FIG4: variants seen among roughly 807,000 people sequenced by gnomAD.
FIG4 encodes the protein FIG4 phosphoinositide 5-phosphatase, also known as polyphosphoinositide phosphatase.
FIG4 carries 112 observed loss-of-function variants against 118.6 expected under a neutral mutation model. The ratio of observed to expected loss-of-function variants is 0.94; its 90% CI spans 0.81 to 1.11. The LOEUF (loss-of-function observed/expected upper bound fraction) is 1.11, where lower values mean the gene tolerates loss of function less well. Ranked by LOEUF, FIG4 falls within the 50% of genes least tolerant of loss-of-function variation. The pLI is 0.00. For missense variants in FIG4, 969 were observed against 1,111.7 expected (o/e 0.87, Z 1.83); for synonymous variants, 369 against 381.2 (o/e 0.97, Z 0.37).
rs576841112 is a variant in FIG4 at position 109,801,941 on chromosome 6, C to G, written c.2546+5090C>G. ...AGTATTTCTGCCTTAATGGATAATT[C>G]TTGTTATCTTTTCCAAACACCTGGA... On this transcript the variant is annotated intron_variant, in intron 22 of 22. Transcript: ENST00000230124. 3.9e-5 allele frequency among the ~76,000 whole-genome samples: 6 copies of G among 152,286 alleles called. No homozygotes were observed. The East Asian group carries it at 5.8e-4, about 15-fold the overall frequency.
intron 22 of FIG4, among the ~76,000 whole-genome samples, chr6:109,817,012 A>G (rs888011384): frequency 6.6e-6 from 1 of 152,236 alleles, no homozygotes; most frequent in Non-Finnish European, 1.5e-5. Context: ...GATTGCTCCA[A>G]AAGGTCGCCG....
intron 10 of FIG4, among the ~76,000 whole-genome samples, chr6:109,750,029 A>G (rs988731346): frequency 4.6e-5 from 7 of 152,196 alleles, no homozygotes; most frequent in Admixed American, 3.9e-4. Flanking sequence ...ATTGTGATTA[A>G]AGAGCCAAAG....
chr6:109,791,060 G>C (rs1778121523), intron 19 of FIG4, among the ~76,000 whole-genome samples: 1 of 152,086 alleles, frequency 6.6e-6, no homozygotes, highest in Admixed American at 6.5e-5. Context: ...ATAATTGTAG[G>C]GTAAGTTTTG....
intron 16 of FIG4, among the ~76,000 whole-genome samples, chr6:109,778,037 A>G (rs978912986): frequency 2.0e-5 from 3 of 152,202 alleles, no homozygotes; most frequent in African/African-American, 7.2e-5. Flanking sequence ...TGCCACATGA[A>G]CAAAATTTTT....
At chr6:109,712,462 TC>T (rs1775295390) in intron 1 of FIG4, among the ~76,000 whole-genome samples, 1 of 152,198 alleles carries the variant, frequency 6.6e-6, no homozygotes, top group Non-Finnish European at 1.5e-5. Flanking sequence ...TCTTTTTTTT[TC>T]TCTATTCTTG....
At chr6:109,805,648 C>T (rs1778545695) in intron 22 of FIG4, among the ~76,000 whole-genome samples, 1 of 152,104 alleles carries the variant, frequency 6.6e-6, no homozygotes, top group Non-Finnish European at 1.5e-5. Context: ...AAAATGTATC[C>T]TGTCCTTATT....
At chr6:109,735,980 C>T (rs1294539290) in intron 6 of FIG4, among the ~76,000 whole-genome samples, 1 of 151,908 alleles carries the variant, frequency 6.6e-6, no homozygotes. Flanking sequence ...CCCTGAAATC[C>T]TGGACTAAAC....
chr6:109,794,030 A>G (rs758140370), intron 21 of FIG4, among the ~76,000 whole-genome samples: 7 of 152,208 alleles, frequency 4.6e-5, no homozygotes, highest in Non-Finnish European at 8.8e-5. Flanking sequence ...GAAGTTACTG[A>G]CTGAGTAATA....
intron 1 of FIG4, among the ~76,000 whole-genome samples, chr6:109,707,265 A>ATGTG (rs199919875): frequency 9.5e-5 from 14 of 146,670 alleles, no homozygotes; most frequent in African/African-American, 3.1e-4. Flanking sequence ...TTATAAACTG[A>ATGTG]TGTGTGTGTG....
intron 16 of FIG4, among the ~76,000 whole-genome samples, chr6:109,779,850 A>G (rs1259046484): frequency 2.0e-5 from 3 of 152,214 alleles, no homozygotes; most frequent in Admixed American, 2.0e-4. Flanking sequence ...CTGAGTTGGA[A>G]TTTCTGCAAG....
At chr6:109,725,681 C>G (rs143680208) in intron 3 of FIG4, among the ~76,000 whole-genome samples, 1 of 152,196 alleles carries the variant, frequency 6.6e-6, no homozygotes. Flanking sequence ...AATCACCACA[C>G]TGTCTTCCAC....
chr6:109,723,514 T>A (rs946293276), intron 3 of FIG4, among the ~76,000 whole-genome samples: 2 of 152,246 alleles, frequency 1.3e-5, no homozygotes, highest in African/African-American at 4.8e-5. Flanking sequence ...GCATGAAGGA[T>A]ATGTAATTTA....
chr6:109,723,832 G>A (rs1468893947), intron 3 of FIG4, among the ~76,000 whole-genome samples: 1 of 152,194 alleles, frequency 6.6e-6, no homozygotes, highest in Non-Finnish European at 1.5e-5. Flanking sequence ...CCAGAGAAGT[G>A]GAGGAGCTTG....
rs1776054720 is a variant in FIG4 at position 109,733,047 on chromosome 6, T to C, written c.497+360T>C. 2.6e-5 allele frequency among the ~76,000 whole-genome samples: 4 copies of C among 152,248 alleles called. 1 individual carries two copies. The South Asian group carries it at 8.3e-4, about 32-fold the overall frequency. On this transcript the variant is annotated intron_variant, in intron 5 of 22. Coordinates refer to ENST00000230124, the MANE Select transcript of FIG4 (RefSeq NM_014845.6). ...ATTGTTCAACTTTTAGTAAATAATC[T>C]GGCAAAATTGGGTAAAAACAAATTA...
chr6:109,721,940 G>C (rs1775624810), intron 3 of FIG4, among the ~76,000 whole-genome samples: 1 of 151,994 alleles, frequency 6.6e-6, no homozygotes, highest in Non-Finnish European at 1.5e-5. Flanking sequence ...TAGAATGCAG[G>C]TTGAGAGAAA....
intron 3 of FIG4, among the ~76,000 whole-genome samples, 158 bp from the exon 4 acceptor site, chr6:109,726,951 T>C (rs1278358119): frequency 1.3e-5 from 2 of 152,166 alleles, no homozygotes; most frequent in African/African-American, 2.4e-5. Context: ...TAGATAGTCT[T>C]AGAGAATAAT....
intron 22 of FIG4, among the ~76,000 whole-genome samples, chr6:109,814,386 C>T (rs1360511782): frequency 6.6e-6 from 1 of 152,084 alleles, no homozygotes; most frequent in Admixed American, 6.6e-5. Flanking sequence ...AAGTGACCCT[C>T]CTGCCTCAGC....
In FIG4 at chr6:109,802,766, A is replaced by G. The variant is rs541305910; in HGVS notation, c.2546+5915A>G. ...GAGGAGTAAGTGGTTTCTGTGATAC[A>G]TCCATAGTGGATAAAATAAATGCAG... On this transcript the variant is annotated intron_variant, in intron 22 of 22. Coordinates refer to ENST00000230124, the MANE Select transcript of FIG4 (RefSeq NM_014845.6). Among the ~76,000 whole-genome samples, 10 of 152,362 alleles carry G rather than the reference A, an allele frequency of 6.6e-5. No individual in the cohort carries two copies. The South Asian group carries it at 1.2e-3, about 19-fold the overall frequency.
rs976775580 is a variant in FIG4 at position 109,735,372 on chromosome 6, A to T, written c.646+74A>T. The T allele has an allele frequency of 2.2e-6, 3 of 1,386,878 alleles. No individual in the cohort carries two copies. The East Asian group carries it at 6.9e-5, about 32-fold the overall frequency. 85.9% of individuals were successfully genotyped at this position (1,386,878 alleles called of 1,614,324 possible). A position where few individuals can be genotyped will look rare whatever the true frequency, so the allele number is the denominator to read the frequency against. On this transcript the variant is annotated intron_variant, in intron 6 of 22. Coordinates refer to ENST00000230124, the MANE Select transcript of FIG4 (RefSeq NM_014845.6). ...GTGATATCTTATTAAATTCACTCAC[A>T]TTTCCCTCATATTTGTCCATCCCTC...
Sources: allele counts gnomAD v4.1 joint callset (sites outside exome capture counted in the v4.1 genomes callset), GRCh38; gene constraint gnomAD v4.1.1; transcripts MANE v1.5; gene names NCBI Gene and HGNC (gene_info 2026-07-23, HGNC 2026-07-21).